The following BABAM2 variants were observed in gnomAD, a reference collection of about 807,000 sequenced individuals.
BABAM2 encodes the protein BRISC and BRCA1 A complex member 2.
In BABAM2, 31 loss-of-function variants were observed where a neutral mutation model predicts 54.7. That is an observed-to-expected ratio of 0.57 (90% CI 0.43 to 0.77). BABAM2 has a LOEUF of 0.77. Among genes scored for constraint, BABAM2 ranks in the 30% least tolerant of loss-of-function variants. The probability of loss-of-function intolerance (pLI) is 0.00; values close to 1 mark genes in which losing one functional copy is unlikely to be tolerated. For synonymous variants in BABAM2, 167 were observed against 162.9 expected, an observed-to-expected ratio of 1.03 and a Z score of -0.19; for missense variants, 364 against 455.8, an observed-to-expected ratio of 0.80 and a Z score of 1.83.
At chr2:27,980,059 G>T (rs1671890934) in intron 3 of BABAM2, among the ~76,000 whole-genome samples, 1 of 152,172 alleles carries the variant, frequency 6.6e-6, no homozygotes, top group Non-Finnish European at 1.5e-5. Flanking sequence ...TGAAAGGAAG[G>T]AACTTCTGCC....
intron 2 of BABAM2, among the ~76,000 whole-genome samples, chr2:27,915,812 A>T (rs1008667030): frequency 6.6e-6 from 1 of 151,734 alleles, no homozygotes; most frequent in Non-Finnish European, 1.5e-5. Flanking sequence ...TTTTGGCTCT[A>T]CCCTGTCATC....
intron 7 of BABAM2, among the ~76,000 whole-genome samples, chr2:28,217,185 G>T (rs1679997536): frequency 6.6e-6 from 1 of 152,110 alleles, no homozygotes; most frequent in Non-Finnish European, 1.5e-5. Context: ...GGATATGGCA[G>T]TGTCTTGTTT....
At chr2:28,153,673 G>A (rs1011017050) in intron 7 of BABAM2, among the ~76,000 whole-genome samples, 2 of 152,158 alleles carry the variant, frequency 1.3e-5, no homozygotes, top group African/African-American at 4.8e-5. Context: ...TCAGCCTTGG[G>A]AACTTGTTAA....
At chr2:28,227,682 G>T (rs991124749) in intron 7 of BABAM2, among the ~76,000 whole-genome samples, 4 of 152,114 alleles carry the variant, frequency 2.6e-5, no homozygotes, top group African/African-American at 4.8e-5. Context: ...CATGCCACGG[G>T]GATGGGAGGC....
intron 4 of BABAM2, among the ~76,000 whole-genome samples, chr2:28,010,062 G>T (rs1397003691): frequency 6.6e-6 from 1 of 152,196 alleles, no homozygotes; most frequent in Non-Finnish European, 1.5e-5. Context: ...GTGCATGTCA[G>T]TAATCAAAGA....
At chr2:28,302,512 T>C (rs1688189746) in intron 11 of BABAM2, among the ~76,000 whole-genome samples, 1 of 152,194 alleles carries the variant, frequency 6.6e-6, no homozygotes. Flanking sequence ...CATTCACCCA[T>C]GTGTAGATAC....
intron 5 of BABAM2, among the ~76,000 whole-genome samples, chr2:28,026,967 T>TAA (rs748099134): frequency 0.18 from 15,040 of 83,498 alleles, 2,575 homozygotes; most frequent in East Asian, 0.65. Flanking sequence ...TAAATATATA[T>TAA]ATAAATATAT....
At chr2:28,195,540 T>G (rs1378949407) in intron 7 of BABAM2, among the ~76,000 whole-genome samples, 1 of 152,230 alleles carries the variant, frequency 6.6e-6, no homozygotes, top group Non-Finnish European at 1.5e-5. Flanking sequence ...CTGTGGCAAC[T>G]GAGGGAATGG....
chr2:28,294,012 T>A (rs1687491680), intron 10 of BABAM2, among the ~76,000 whole-genome samples: 1 of 152,164 alleles, frequency 6.6e-6, no homozygotes, highest in Admixed American at 6.5e-5. Context: ...GTCAAAATAA[T>A]ACTGACACTA....
chr2:27,940,892 T>C (rs904711612), intron 3 of BABAM2, among the ~76,000 whole-genome samples: 12 of 152,272 alleles, frequency 7.9e-5, no homozygotes, highest in Non-Finnish European at 1.5e-4. Flanking sequence ...TCCTGCAACA[T>C]ATTCTATTGT....
chr2:27,992,758 T>A (rs1004189939), intron 4 of BABAM2, among the ~76,000 whole-genome samples: 4 of 152,178 alleles, frequency 2.6e-5, no homozygotes, highest in Non-Finnish European at 5.9e-5. Context: ...TCTCTTTTGC[T>A]CTTTTGCTCC....
At chr2:28,025,465 T>C (rs1333245461) in intron 5 of BABAM2, 45 bp downstream of exon 5, 1 of 1,487,898 alleles carries the variant, frequency 6.7e-7, no homozygotes, top group Non-Finnish European at 9.0e-7. Flanking sequence ...TCATCCATAA[T>C]AAAATAATCA....
At chr2:28,034,981 CAT>C (rs919582354) in intron 5 of BABAM2, among the ~76,000 whole-genome samples, 2 of 152,062 alleles carry the variant, frequency 1.3e-5, no homozygotes, top group East Asian at 1.9e-4. Context: ...TCTAGTCAAA[CAT>C]GTGACTATCG....
At chr2:28,160,946 C>A (rs1176911262) in intron 7 of BABAM2, among the ~76,000 whole-genome samples, 1 of 152,020 alleles carries the variant, frequency 6.6e-6, no homozygotes, top group Non-Finnish European at 1.5e-5. Flanking sequence ...TATTTAGAAT[C>A]ATTTATTCAA....
At chr2:28,181,106 T>A (rs949748843) in intron 7 of BABAM2, among the ~76,000 whole-genome samples, 1 of 152,192 alleles carries the variant, frequency 6.6e-6, no homozygotes, top group African/African-American at 2.4e-5. Context: ...GTCCTACTAC[T>A]GGGTATTTAT....
At chr2:28,069,325 A>G (rs1001987923) in intron 6 of BABAM2, among the ~76,000 whole-genome samples, 3 of 152,222 alleles carry the variant, frequency 2.0e-5, no homozygotes. Context: ...CATTCAATAA[A>G]TATTTGTTGA....
intron 10 of BABAM2, among the ~76,000 whole-genome samples, chr2:28,274,582 C>T (rs991621050): frequency 6.6e-6 from 1 of 152,176 alleles, no homozygotes; most frequent in African/African-American, 2.4e-5. Flanking sequence ...CAGGTGCACC[C>T]ACCATGCCCA....
At chr2:27,966,583 G>C (rs547943617) in intron 3 of BABAM2, among the ~76,000 whole-genome samples, 1 of 152,298 alleles carries the variant, frequency 6.6e-6, no homozygotes, top group African/African-American at 2.4e-5. Context: ...GATGTTTCAG[G>C]CTCATCTTGT....
chr2:28,143,995 G>A (rs921489479), intron 7 of BABAM2, among the ~76,000 whole-genome samples: 1 of 152,172 alleles, frequency 6.6e-6, no homozygotes, highest in South Asian at 2.1e-4. Flanking sequence ...GGCACACACT[G>A]GTTAAGACCA....
Sources: gnomAD v4.1 joint callset for allele counts (sites outside exome capture counted in the v4.1 genomes callset) on GRCh38, gnomAD v4.1.1 for gene constraint, MANE v1.5 for transcripts, NCBI Gene and HGNC (gene_info 2026-07-23, HGNC 2026-07-21) for gene names.